The following P3H1 variants were observed in gnomAD, a reference collection of about 807,000 sequenced individuals.
P3H1 encodes the protein prolyl 3-hydroxylase 1, also known as growth suppressor 1.
A neutral mutation model predicts 84.0 loss-of-function variants in P3H1; 69 were observed. That is an observed-to-expected ratio of 0.82 (90% CI 0.68 to 1.00). P3H1 has a LOEUF of 1.00. P3H1 is among the 50% of genes least tolerant of loss of function. The probability of loss-of-function intolerance (pLI) is 0.00; values close to 1 mark genes in which losing one functional copy is unlikely to be tolerated. For missense variants in P3H1, 878 were observed against 962.8 expected, an observed-to-expected ratio of 0.91 and a Z score of 1.17; for synonymous variants, 366 against 388.8, an observed-to-expected ratio of 0.94 and a Z score of 0.69.
intron 1 of P3H1, among the ~76,000 whole-genome samples, chr1:42,766,279 C>T (rs1373755767): frequency 1.3e-5 from 2 of 152,174 alleles, no homozygotes; most frequent in East Asian, 3.9e-4. Flanking sequence ...TGGCCTGTGC[C>T]CTAACCCCAG....
chr1:42,765,436 C>T (rs1476505585), intron 1 of P3H1, among the ~76,000 whole-genome samples: 1 of 152,154 alleles, frequency 6.6e-6, no homozygotes, highest in Admixed American at 6.5e-5. Flanking sequence ...AAAGCAAAGA[C>T]GTTAGTCGAG....
intron 5 of P3H1, 37 bp downstream of exon 5, chr1:42,757,746 C>T (rs746417336): frequency 3.7e-6 from 6 of 1,614,140 alleles, no homozygotes; most frequent in African/African-American, 2.7e-5. Flanking sequence ...GGTCTGAGTT[C>T]AGCTGGCAGC....
At chr1:42,765,039 C>T (rs923654217) in intron 1 of P3H1, among the ~76,000 whole-genome samples, 10 of 152,222 alleles carry the variant, frequency 6.6e-5, no homozygotes, top group African/African-American at 2.4e-4. Context: ...AAGGCTCATT[C>T]ACCATGGCTT....
chr1:42,766,488 G>C lies in P3H1; in HGVS notation c.465+19C>G, dbSNP rs1328656365. 1.3e-6 allele frequency: 2 copies of C among 1,587,408 alleles called. No individual in the cohort carries two copies. Among genetic ancestry groups the C allele is most frequent in the Non-Finnish European group, 1.7e-6 (2 of 1,166,912 alleles). Reference sequence around the variant, plus strand: ...TCCCCAGAAGGACCCCGGCCGCCTGGTTCCAGGCAGGTCTGCACCTTGAAG... The same window carrying C: ...TCCCCAGAAGGACCCCGGCCGCCTGCTTCCAGGCAGGTCTGCACCTTGAAG... On this transcript the variant is annotated intron_variant, in intron 1 of 14. Transcript: ENST00000296388.
At chr1:42,761,162 GTTTC>G (rs1243785558) in intron 2 of P3H1, 3 of 150,772 alleles carry the variant, frequency 2.0e-5, no homozygotes, top group Non-Finnish European at 4.4e-5. Context: ...TAGAGATGGG[GTTTC>G]ACCATATTGG....
chr1:42,755,507 C>A, intron 6 of P3H1, 41 bp downstream of exon 6: 1 of 1,527,902 alleles, frequency 6.5e-7, no homozygotes, highest in Non-Finnish European at 9.1e-7. Context: ...CTCCTGCTCA[C>A]TCTTTCCCCG....
intron 11 of P3H1, chr1:42,748,832 C>A: frequency 4.3e-6 from 1 of 231,440 alleles, no homozygotes; most frequent in Admixed American, 5.0e-5. Context: ...AGGGAACAGA[C>A]CGGGCTCACT....
intron 8 of P3H1, 56 bp from the exon 9 acceptor site, chr1:42,752,720 C>G: frequency 1.2e-6 from 2 of 1,609,330 alleles, no homozygotes; most frequent in African/African-American, 1.3e-5. Context: ...ACCAAAGACT[C>G]TCCATTGGAT....
intron 11 of P3H1, among the ~76,000 whole-genome samples, chr1:42,749,088 G>A (rs149216138): frequency 3.3e-4 from 50 of 152,256 alleles, no homozygotes; most frequent in African/African-American, 1.2e-3. Context: ...TCCCTTTTTG[G>A]TTTGAAATCT....
At position 42,764,000 on chromosome 1, in the gene P3H1, T is replaced by G. The variant is rs548219411; in HGVS notation, c.466-1525A>C. 4.0e-5 allele frequency among the ~76,000 whole-genome samples: 6 copies of G among 151,000 alleles called. No individual in the cohort carries two copies. In the East Asian group the frequency reaches 8.0e-4, roughly 20 times the overall value. ...CCAACAATAGCTGGGCGTGGTGGCA[T>G]GTGCCTGTAATCCCAGCTACTCAGG... is the stretch of plus-strand genomic sequence containing the variant. On this transcript the variant is annotated intron_variant, in intron 1 of 14. Coordinates refer to ENST00000296388, the MANE Select transcript of P3H1 (RefSeq NM_022356.4).
At chr1:42,759,053 AC>A in intron 3 of P3H1, 70 bp from the exon 4 acceptor site, 1 of 1,603,356 alleles carries the variant, frequency 6.2e-7, no homozygotes, top group South Asian at 1.1e-5. Context: ...GTTAAGATGA[AC>A]AAATTCAAAT....
chr1:42,764,484 T>C (rs1324870172), intron 1 of P3H1, among the ~76,000 whole-genome samples: 4 of 151,294 alleles, frequency 2.6e-5, no homozygotes, highest in Non-Finnish European at 5.9e-5. Context: ...ACATCTGGGC[T>C]TAATGACTCA....
rs138050544 is a variant in P3H1 at position 42,752,594 on chromosome 1, C to T, written c.1416G>A (p.Val472=). The T allele has an allele frequency of 5.0e-6, 8 of 1,614,082 alleles. No individual in the cohort carries two copies. The African/African-American group carries it at 9.3e-5, about 19-fold the overall frequency. The change falls in exon 9 of 15, where the codon GTG becomes GTA. Residue 472 remains valine, a synonymous_variant. Coordinates refer to ENST00000296388, the MANE Select transcript of P3H1 (RefSeq NM_022356.4). ...NSKLLNGSQR[V]VMDGVISDHE... ...GGTCAGAGATTACGCCGTCCATCAC[C>T]ACCCGCTGGGAACCATTCAGGAGTT...
In P3H1 at chr1:42,747,429, G is replaced by C. The variant is rs1372939038; in HGVS notation, c.1915-17C>G. ...CACCTCTGCCTAAGGGGGACAGAAA[G>C]GGAGGGGGGTTGCACAGGACAAAGA... On this transcript the variant is annotated splice_polypyrimidine_tract_variant and intron_variant, in intron 13 of 14. Coordinates refer to ENST00000296388, the MANE Select transcript of P3H1 (RefSeq NM_022356.4). 6 of 1,607,068 alleles carry C rather than the reference G, an allele frequency of 3.7e-6. No homozygotes were observed. Among genetic ancestry groups the C allele is most frequent in the African/African-American group, 1.3e-5 (1 of 74,928 alleles).
chr1:42,756,471 CAGG>C (rs1652410088), intron 5 of P3H1: 2 of 154,340 alleles, frequency 1.3e-5, no homozygotes, highest in South Asian at 4.1e-4. Flanking sequence ...CTCCAAGCAG[CAGG>C]AGGAGGAAGG....
intron 13 of P3H1, 96 bp downstream of exon 13, chr1:42,747,627 G>T: frequency 1.5e-6 from 2 of 1,368,470 alleles, no homozygotes; most frequent in Non-Finnish European, 2.1e-6. Flanking sequence ...CCACTGGGAA[G>T]CCCAGTTGGT....
At chr1:42,750,814 A>G (rs1380579846) in intron 10 of P3H1, among the ~76,000 whole-genome samples, 12 of 120,898 alleles carry the variant, frequency 9.9e-5, no homozygotes, top group South Asian at 2.8e-4. Context: ...TCCGGGAGGG[A>G]GGTGGGGGGG....
chr1:42,754,719 A>T lies in P3H1; in HGVS notation c.1345+150T>A, dbSNP rs1652289233. 1 of 940,560 alleles carries T rather than the reference A, an allele frequency of 1.1e-6. No homozygotes were observed. The highest frequency in any genetic ancestry group is 1.4e-5 in the South Asian group (1 of 72,288). 58.3% of individuals were successfully genotyped at this position (940,560 alleles called of 1,614,324 possible). On this transcript the variant is annotated intron_variant, in intron 8 of 14. Transcript: ENST00000296388. This position sits in a 1 kb window ranked among gnomAD's most constrained non-coding sequence, Gnocchi z 4.0. ...CAGCTGAAAGTCCCGCTGGTGAGTTAGGAAGGATGTCCACTGAACTTGCAC... is the reference window on the plus strand; with the variant it reads ...CAGCTGAAAGTCCCGCTGGTGAGTTTGGAAGGATGTCCACTGAACTTGCAC...
At chr1:42,763,084 CAA>C (rs879470343) in intron 1 of P3H1, among the ~76,000 whole-genome samples, 9 of 123,194 alleles carry the variant, frequency 7.3e-5, no homozygotes, top group African/African-American at 1.2e-4. Context: ...GACCCTGACT[CAA>C]AAAAAAAAAA....
Sources: allele counts gnomAD v4.1 joint callset (sites outside exome capture counted in the v4.1 genomes callset), GRCh38; gene constraint gnomAD v4.1.1; non-coding constraint Gnocchi (gnomAD v3.1); transcripts MANE v1.5; gene names NCBI Gene and HGNC (gene_info 2026-07-23, HGNC 2026-07-21).